Variants in NELL1 observed in about 807,000 individuals in gnomAD.
NELL1 encodes the protein protein kinase C-binding protein NELL1.
NELL1 carries 76 observed loss-of-function variants against 107.4 expected under a neutral mutation model. That is an observed-to-expected ratio of 0.71 (90% CI 0.59 to 0.86). The LOEUF is 0.86. Among genes scored for constraint, NELL1 ranks in the 40% least tolerant of loss-of-function variants. The probability of loss-of-function intolerance (pLI) is 0.00; values close to 1 mark genes in which losing one functional copy is unlikely to be tolerated. For synonymous variants in NELL1, 353 were observed against 341.2 expected, an observed-to-expected ratio of 1.03 and a Z score of -0.38; for missense variants, 1,024 against 1,005.5, an observed-to-expected ratio of 1.02 and a Z score of -0.25.
chr11:20,755,561 T>TTTTTTTTTTTTATTA (rs1856255537), intron 2 of NELL1, among the ~76,000 whole-genome samples: 3 of 17,292 alleles, frequency 1.7e-4, no homozygotes, highest in African/African-American at 2.9e-4. Flanking sequence ...TTTTTGTTTT[T>TTTTTTTTTTTTATTA]GTTTTTTTTT....
intron 13 of NELL1, among the ~76,000 whole-genome samples, chr11:21,141,135 T>C (rs1373028007): frequency 2.6e-5 from 4 of 152,190 alleles, no homozygotes; most frequent in Non-Finnish European, 5.9e-5. Flanking sequence ...CATATGCACA[T>C]CCATTGCACA....
intron 13 of NELL1, among the ~76,000 whole-genome samples, chr11:21,228,476 A>G (rs148423802): frequency 3.7e-4 from 57 of 152,238 alleles, no homozygotes; most frequent in African/African-American, 1.3e-3. Flanking sequence ...CCTTAAACAG[A>G]GGCCTCAGAG....
intron 13 of NELL1, among the ~76,000 whole-genome samples, chr11:21,193,430 C>A (rs1481766019): frequency 6.6e-6 from 1 of 151,506 alleles, no homozygotes; most frequent in African/African-American, 2.4e-5. Context: ...GAGATAACAG[C>A]ATATATATAA....
At chr11:21,115,331 AACACACACAC>A (rs66507806) in intron 13 of NELL1, among the ~76,000 whole-genome samples, 211 of 140,658 alleles carry the variant, frequency 1.5e-3, no homozygotes, top group Middle Eastern at 7.3e-3. Context: ...GTCTACATCA[AACACACACAC>A]ACACACACAC....
chr11:21,198,299 C>A (rs1238258176), intron 13 of NELL1, among the ~76,000 whole-genome samples: 1 of 152,174 alleles, frequency 6.6e-6, no homozygotes, highest in Non-Finnish European at 1.5e-5. Flanking sequence ...CTCACCTAGC[C>A]TTAGAAGTAA....
chr11:21,150,694 G>A (rs1180644394), intron 13 of NELL1, among the ~76,000 whole-genome samples: 1 of 152,126 alleles, frequency 6.6e-6, no homozygotes, highest in Non-Finnish European at 1.5e-5. Flanking sequence ...ATTGCTGAGG[G>A]ACAGCACACT....
chr11:21,421,516 C>G (rs7108505), intron 15 of NELL1, among the ~76,000 whole-genome samples: 1 of 151,976 alleles, frequency 6.6e-6, no homozygotes, highest in African/African-American at 2.4e-5. Context: ...AGATTACTAT[C>G]GCTGCTTCTG....
chr11:21,355,642 G>T (rs1195156322), intron 14 of NELL1, among the ~76,000 whole-genome samples: 2 of 152,188 alleles, frequency 1.3e-5, no homozygotes, highest in African/African-American at 4.8e-5. Context: ...TGGAAAATGT[G>T]TCCATGATTG....
intron 3 of NELL1, among the ~76,000 whole-genome samples, chr11:20,819,496 G>A (rs913578935): frequency 3.3e-5 from 5 of 152,220 alleles, no homozygotes; most frequent in African/African-American, 1.2e-4. Context: ...CAATGTGTGG[G>A]AGCTCTCTAC....
At chr11:21,461,261 C>G (rs1026708641) in intron 15 of NELL1, among the ~76,000 whole-genome samples, 5 of 152,096 alleles carry the variant, frequency 3.3e-5, no homozygotes, top group Admixed American at 6.6e-5. Context: ...GTAGAGGCAA[C>G]AGCCCTGGGT....
At chr11:21,089,868 G>A (rs932234207) in intron 12 of NELL1, among the ~76,000 whole-genome samples, 3 of 152,140 alleles carry the variant, frequency 2.0e-5, no homozygotes, top group Non-Finnish European at 2.9e-5. Context: ...AGGGATGGAG[G>A]ACTTTCTGTG....
At chr11:20,688,862 T>C (rs1854376228) in intron 2 of NELL1, among the ~76,000 whole-genome samples, 1 of 152,218 alleles carries the variant, frequency 6.6e-6, no homozygotes, top group East Asian at 1.9e-4. Context: ...CCACCAACAG[T>C]GTATAAGTGT....
intron 16 of NELL1, among the ~76,000 whole-genome samples, chr11:21,544,469 A>G (rs1487561196): frequency 3.3e-5 from 5 of 151,984 alleles, no homozygotes; most frequent in Non-Finnish European, 5.9e-5. Context: ...ATCAAAGAAC[A>G]GTCATAACAG....
At chr11:21,139,186 G>T (rs1855809892) in intron 13 of NELL1, among the ~76,000 whole-genome samples, 2 of 152,216 alleles carry the variant, frequency 1.3e-5, no homozygotes, top group African/African-American at 2.4e-5. Flanking sequence ...GAAAGTAAGA[G>T]TGTGGTCTTT....
At position 21,307,357 on chromosome 11, in the gene NELL1, T is replaced by C. The variant is rs188427156; in HGVS notation, c.1550-63496T>C. Among the ~76,000 whole-genome samples the C allele has an allele frequency of 2.5e-3, 386 of 151,950 alleles. 3 individuals carry two copies. Among genetic ancestry groups the C allele is most frequent in the African/African-American group, 9.1e-3 (377 of 41,494 alleles). ...TTGTGTGTGTGTGTGTATGTTTTTG[T>C]ACATGTGTATTGATAAGATAAAAGT... On this transcript the variant is annotated intron_variant, in intron 14 of 19. Coordinates refer to ENST00000357134, the MANE Select transcript of NELL1 (RefSeq NM_006157.5).
chr11:20,918,305 A>T (rs752704662), intron 6 of NELL1, 51 bp downstream of exon 6: 13 of 1,141,562 alleles, frequency 1.1e-5, no homozygotes, highest in Non-Finnish European at 1.3e-5. Flanking sequence ...TGTTGATTGT[A>T]TCAGAGAAAC....
intron 5 of NELL1, among the ~76,000 whole-genome samples, chr11:20,905,037 A>G (rs893102866): frequency 6.8e-6 from 1 of 147,848 alleles, no homozygotes; most frequent in African/African-American, 2.5e-5. Context: ...ACAAAGTCTC[A>G]CTGTGTTGCC....
intron 2 of NELL1, among the ~76,000 whole-genome samples, chr11:20,755,865 GTTTTTT>G (rs574606148): frequency 6.6e-5 from 8 of 122,058 alleles, no homozygotes; most frequent in African/African-American, 2.6e-4. Flanking sequence ...CAGACCTGCG[GTTTTTT>G]TTTTTTTTTT....
chr11:21,421,247 C>T (rs1852661330), intron 15 of NELL1, among the ~76,000 whole-genome samples: 2 of 152,180 alleles, frequency 1.3e-5, no homozygotes, highest in Non-Finnish European at 2.9e-5. Flanking sequence ...AATGATTACA[C>T]TGGCCAAATC....
Sources: allele counts gnomAD v4.1 joint callset (sites outside exome capture counted in the v4.1 genomes callset), GRCh38; gene constraint gnomAD v4.1.1; transcripts MANE v1.5; gene names NCBI Gene and HGNC (gene_info 2026-07-23, HGNC 2026-07-21).